NRF1: variants seen among roughly 807,000 people sequenced by gnomAD.
The protein encoded by NRF1 is alpha palindromic-binding protein.
A neutral mutation model predicts 58.5 loss-of-function variants in NRF1; 5 were observed. The observed-to-expected ratio is 0.09, with a 90% CI of 0.04 to 0.18. The LOEUF is 0.18. Ranked by LOEUF, NRF1 falls within the 10% of genes least tolerant of loss-of-function variation. The probability of loss-of-function intolerance (pLI) is 1.00; values close to 1 mark genes in which losing one functional copy is unlikely to be tolerated. For missense variants in NRF1, 288 were observed against 657.7 expected (o/e 0.44, Z 6.15); for synonymous variants, 224 against 246.7 (o/e 0.91, Z 0.86).
At chr7:129,674,897 A>C (rs1005569392) in intron 3 of NRF1, among the ~76,000 whole-genome samples, 1 of 152,180 alleles carries the variant, frequency 6.6e-6, no homozygotes, top group African/African-American at 2.4e-5. Flanking sequence ...TCTTAAAAAT[A>C]ATACAACAAA....
intron 10 of NRF1, among the ~76,000 whole-genome samples, chr7:129,733,406 G>A (rs1803631427): frequency 6.6e-6 from 1 of 151,556 alleles, no homozygotes; most frequent in African/African-American, 2.4e-5. Context: ...GGTGGAGTTT[G>A]CAGTGATCCG....
At chr7:129,648,788 G>C (rs1801470104) in intron 1 of NRF1, among the ~76,000 whole-genome samples, 2 of 151,970 alleles carry the variant, frequency 1.3e-5, no homozygotes, top group African/African-American at 2.4e-5. Context: ...ATTTCTGTCA[G>C]CCTTATCTTT....
intron 2 of NRF1, among the ~76,000 whole-genome samples, chr7:129,669,706 G>A (rs1016804148): frequency 1.4e-4 from 21 of 152,292 alleles, no homozygotes; most frequent in Admixed American, 1.2e-3. Flanking sequence ...CGGTGAGGTC[G>A]TAGAGCAACT....
At position 129,752,408 on chromosome 7, in the gene NRF1, G is replaced by GT. The variant is rs557589794; in HGVS notation, c.1349-2609dup. Among the ~76,000 whole-genome samples, 4 of 152,320 alleles carry GT rather than the reference G, an allele frequency of 2.6e-5. No homozygotes were observed. The South Asian group carries it at 8.3e-4, about 32-fold the overall frequency. On this transcript the variant is annotated intron_variant, in intron 10 of 10. Transcript: ENST00000393232. ...TAGAGGACAGGGCACCTGTGAGAGA[G>GT]TGAGGGAGATGAGACTGGAAAGATG...
At chr7:129,738,281 G>A (rs1267998226) in intron 10 of NRF1, among the ~76,000 whole-genome samples, 1 of 152,264 alleles carries the variant, frequency 6.6e-6, no homozygotes, top group Non-Finnish European at 1.5e-5. Context: ...GCTGTGAGCT[G>A]TGGATCAAAA....
chr7:129,641,447 C>G (rs1300921196), intron 1 of NRF1, among the ~76,000 whole-genome samples: 1 of 152,130 alleles, frequency 6.6e-6, no homozygotes, highest in Non-Finnish European at 1.5e-5. Context: ...CTGTACTCAA[C>G]TTGCATATTG....
At chr7:129,671,620 T>G in intron 3 of NRF1, 77 bp downstream of exon 3, 1 of 805,082 alleles carries the variant, frequency 1.2e-6, no homozygotes, top group East Asian at 2.5e-5. Flanking sequence ...CATATGTGAT[T>G]AGGTTTGTCA....
intron 1 of NRF1, among the ~76,000 whole-genome samples, chr7:129,614,590 T>G (rs1291228636): frequency 6.6e-6 from 1 of 152,004 alleles, no homozygotes. Context: ...TAGCTGAGAC[T>G]ATAGGCAAGT....
chr7:129,617,319 A>T (rs1800679105), intron 1 of NRF1, among the ~76,000 whole-genome samples: 1 of 152,204 alleles, frequency 6.6e-6, no homozygotes, highest in Admixed American at 6.5e-5. Flanking sequence ...CTGAATGCTA[A>T]TGTGGTTAGG....
rs369507589 is a variant in NRF1, at chr7:129,690,363, G to T, written c.466-43G>T. ...TGTTGCTTGGCACCAATCCTCCCTG[G>T]TTGTTGGGCATCTTGTTTACTTCTG... On this transcript the variant is annotated intron_variant, in intron 4 of 10. Coordinates refer to ENST00000393232, the MANE Select transcript of NRF1 (RefSeq NM_005011.5). 101 of 1,593,534 alleles carry T rather than the reference G, an allele frequency of 6.3e-5. No homozygotes were observed. The African/African-American group carries it at 1.3e-3, about 20-fold the overall frequency.
intron 5 of NRF1, among the ~76,000 whole-genome samples, chr7:129,700,667 C>T (rs1802800450): frequency 6.6e-6 from 1 of 152,192 alleles, no homozygotes; most frequent in Non-Finnish European, 1.5e-5. Context: ...CCTGTAATCC[C>T]AGCACTTTGG....
chr7:129,669,317 C>T (rs1801993676), intron 2 of NRF1, among the ~76,000 whole-genome samples: 1 of 152,094 alleles, frequency 6.6e-6, no homozygotes. Flanking sequence ...GTATACTTCA[C>T]TATATGCAAA....
At chr7:129,640,879 T>A (rs1172607492) in intron 1 of NRF1, among the ~76,000 whole-genome samples, 2 of 152,224 alleles carry the variant, frequency 1.3e-5, no homozygotes, top group African/African-American at 4.8e-5. Flanking sequence ...AGGAATGCTC[T>A]GTGGACAGTT....
chr7:129,679,188 A>C (rs1802249088), intron 4 of NRF1, among the ~76,000 whole-genome samples: 1 of 152,242 alleles, frequency 6.6e-6, no homozygotes, highest in Non-Finnish European at 1.5e-5. Flanking sequence ...TAAATGGGTT[A>C]AAGTGCCTTG....
intron 5 of NRF1, among the ~76,000 whole-genome samples, chr7:129,705,437 T>C (rs1802925881): frequency 2.0e-5 from 3 of 152,126 alleles, no homozygotes; most frequent in Admixed American, 2.0e-4. Flanking sequence ...ATTACAGGTA[T>C]GTGCCACCAT....
At chr7:129,721,126 G>T (rs1803312540) in intron 9 of NRF1, among the ~76,000 whole-genome samples, 1 of 152,090 alleles carries the variant, frequency 6.6e-6, no homozygotes, top group Admixed American at 6.6e-5. Flanking sequence ...TGATTAATTT[G>T]AACTTTCAGT....
chr7:129,736,006 AAAAT>A (rs749614467), intron 10 of NRF1, among the ~76,000 whole-genome samples: 3 of 152,198 alleles, frequency 2.0e-5, no homozygotes, highest in East Asian at 1.9e-4. Flanking sequence ...CCGTCTCAAA[AAAAT>A]AAATAAATAA....
chr7:129,746,703 C>T (rs1803984576), intron 10 of NRF1, among the ~76,000 whole-genome samples: 1 of 152,182 alleles, frequency 6.6e-6, no homozygotes, highest in African/African-American at 2.4e-5. Flanking sequence ...TCCCGGTTCC[C>T]ATTTGGGCCA....
chr7:129,612,634 G>T (rs1800562618), intron 1 of NRF1, among the ~76,000 whole-genome samples: 1 of 152,232 alleles, frequency 6.6e-6, no homozygotes, highest in Admixed American at 6.5e-5. Flanking sequence ...GGTCCCCTGG[G>T]TGAGGGAGAG....
Sources: allele counts gnomAD v4.1 joint callset (sites outside exome capture counted in the v4.1 genomes callset), GRCh38; gene constraint gnomAD v4.1.1; transcripts MANE v1.5; gene names NCBI Gene and HGNC (gene_info 2026-07-23, HGNC 2026-07-21).